CTNNA3: variants seen among roughly 807,000 people sequenced by gnomAD.
CTNNA3 encodes catenin alpha-3.
Under a neutral mutation model 95.7 loss-of-function variants are expected in CTNNA3, and 76 were observed. The observed-to-expected ratio is 0.79, with a 90% CI of 0.66 to 0.96. The LOEUF (loss-of-function observed/expected upper bound fraction) is 0.96, where lower values mean the gene tolerates loss of function less well. Among genes scored for constraint, CTNNA3 ranks in the 40% least tolerant of loss-of-function variants. The pLI is 0.00. For synonymous variants in CTNNA3, 431 were observed against 374.4 expected (o/e 1.15, Z -1.74); for missense variants, 1,191 against 1,089.8 (o/e 1.09, Z -1.31).
chr10:66,443,154 C>A (rs955834389), intron 11 of CTNNA3, among the ~76,000 whole-genome samples: 1 of 152,096 alleles, frequency 6.6e-6, no homozygotes, highest in Non-Finnish European at 1.5e-5. Context: ...AACAAAGCAG[C>A]GGGGAAGCTC....
rs559719485 is a variant in CTNNA3, at chr10:67,310,636, A to G, written c.580-90766T>C. The stretch of plus-strand genomic sequence containing the variant: ...GCTGGGAAGGCCTCAGGAAACTTAC[A>G]ATCATGGCAGAAGGCAAAGCAAACA... On this transcript the variant is annotated intron_variant, in intron 5 of 17. Coordinates refer to ENST00000433211, the MANE Select transcript of CTNNA3 (RefSeq NM_013266.4). Among the ~76,000 whole-genome samples, 168 of 152,338 alleles carry G rather than the reference A, an allele frequency of 1.1e-3. 1 individual carries two copies. The highest frequency in any genetic ancestry group is 3.9e-3 in the African/African-American group (163 of 41,584).
chr10:66,926,986 C>T (rs1461090208), intron 7 of CTNNA3: 1 of 1,614,140 alleles, frequency 6.2e-7, no homozygotes. Flanking sequence ...CACTGTCTTA[C>T]TGACAATGCT....
At chr10:66,924,021 G>C (rs907049442) in intron 7 of CTNNA3, among the ~76,000 whole-genome samples, 2 of 152,134 alleles carry the variant, frequency 1.3e-5, no homozygotes, top group African/African-American at 4.8e-5. Context: ...CTTCCTACTA[G>C]GAGAAAATAT....
At chr10:66,716,618 C>A (rs1417173635) in intron 9 of CTNNA3, among the ~76,000 whole-genome samples, 3 of 152,108 alleles carry the variant, frequency 2.0e-5, no homozygotes, top group Non-Finnish European at 4.4e-5. Context: ...GCAACAGAGG[C>A]ATTTATGTTT....
At position 66,080,691 on chromosome 10, in the gene CTNNA3, G is replaced by A. The variant is rs563503784; in HGVS notation, c.1978-11202C>T. Among the ~76,000 whole-genome samples, 428 of 152,240 alleles carry A rather than the reference G, an allele frequency of 2.8e-3. 3 individuals carry two copies. The highest frequency in any genetic ancestry group is 4.9e-3 in the Non-Finnish European group (336 of 68,014). On this transcript the variant is annotated intron_variant, in intron 14 of 17. Coordinates refer to ENST00000433211, the MANE Select transcript of CTNNA3 (RefSeq NM_013266.4). ...TTTATTCAATACTGCTGCAATGGAG[G>A]CAGAGATGGAACTCAACTCTGCTGA...
intron 1 of CTNNA3, among the ~76,000 whole-genome samples, chr10:67,709,313 G>A (rs1215689326): frequency 1.3e-5 from 2 of 152,144 alleles, no homozygotes; most frequent in Admixed American, 6.5e-5. Context: ...AATACTACGT[G>A]TTTATGAGTA....
chr10:66,441,649 C>G (rs947988767), intron 11 of CTNNA3, among the ~76,000 whole-genome samples: 1 of 152,082 alleles, frequency 6.6e-6, no homozygotes, highest in African/African-American at 2.4e-5. Flanking sequence ...ATTTATTTTT[C>G]TTCGTTTACT....
At chr10:67,588,982 T>C (rs1352698235) in intron 3 of CTNNA3, among the ~76,000 whole-genome samples, 1 of 152,100 alleles carries the variant, frequency 6.6e-6, no homozygotes, top group African/African-American at 2.4e-5. Context: ...AAGCCTTATC[T>C]ATCTAGTTGA....
intron 3 of CTNNA3, among the ~76,000 whole-genome samples, chr10:67,570,188 C>T (rs1357676002): frequency 1.1e-4 from 16 of 151,998 alleles, no homozygotes; most frequent in South Asian, 8.3e-4. Context: ...TGAAACTTTC[C>T]GCCTTTCTTT....
chr10:67,476,435 C>G (rs2133040912), intron 5 of CTNNA3, among the ~76,000 whole-genome samples: 1 of 152,228 alleles, frequency 6.6e-6, no homozygotes, highest in East Asian at 1.9e-4. Context: ...CCTCTCCACC[C>G]CACTCCCAGA....
chr10:66,515,459 G>A lies in CTNNA3; in HGVS notation c.1531+5158C>T, dbSNP rs184625503. ...CCTAAGTAATTCACAACACAGATAC[G>A]CTAAGAACTAACTTGTCAATTGATC... On this transcript the variant is annotated intron_variant, in intron 11 of 17. Coordinates refer to ENST00000433211, the MANE Select transcript of CTNNA3 (RefSeq NM_013266.4). Among the ~76,000 whole-genome samples, 58 of 151,874 alleles carry A rather than the reference G, an allele frequency of 3.8e-4. 1 individual carries two copies. The highest frequency in any genetic ancestry group is 1.7e-3 in the Admixed American group (26 of 15,252).
At chr10:67,442,643 CATG>C (rs1266623230) in intron 5 of CTNNA3, among the ~76,000 whole-genome samples, 2 of 151,958 alleles carry the variant, frequency 1.3e-5, no homozygotes, top group Non-Finnish European at 2.9e-5. Flanking sequence ...ATCAATTCAG[CATG>C]ATAAAGGGTC....
chr10:67,592,009 G>C (rs1293876089), intron 3 of CTNNA3, among the ~76,000 whole-genome samples: 1 of 152,116 alleles, frequency 6.6e-6, no homozygotes, highest in African/African-American at 2.4e-5. Context: ...TTCAGCATTA[G>C]AGTCCACGAC....
chr10:66,346,759 C>T (rs1264441765), intron 12 of CTNNA3, among the ~76,000 whole-genome samples: 6 of 152,032 alleles, frequency 3.9e-5, no homozygotes, highest in South Asian at 4.2e-4. Flanking sequence ...TTACATGAAA[C>T]GTTATTTTTA....
intron 15 of CTNNA3, among the ~76,000 whole-genome samples, chr10:66,006,839 T>G (rs1470595436): frequency 6.6e-6 from 1 of 152,230 alleles, no homozygotes; most frequent in Non-Finnish European, 1.5e-5. Context: ...GGCATAATAT[T>G]ATTCTAAGGT....
chr10:66,408,045 A>G (rs1181471134), intron 11 of CTNNA3, among the ~76,000 whole-genome samples: 1 of 152,182 alleles, frequency 6.6e-6, no homozygotes, highest in African/African-American at 2.4e-5. Context: ...AGTATTTGCA[A>G]ATAACCTACG....
chr10:67,368,433 C>T (rs1398437939), intron 5 of CTNNA3, among the ~76,000 whole-genome samples: 1 of 152,128 alleles, frequency 6.6e-6, no homozygotes, highest in Non-Finnish European at 1.5e-5. Context: ...GGCACAACTC[C>T]TTTGGAAAAC....
At chr10:65,948,468 G>C (rs1227833818) in intron 17 of CTNNA3, among the ~76,000 whole-genome samples, 1 of 151,800 alleles carries the variant, frequency 6.6e-6, no homozygotes, top group East Asian at 1.9e-4. Flanking sequence ...GTGACCCAGG[G>C]CTTGACCAAA....
chr10:67,668,078 G>A (rs1341926350), intron 1 of CTNNA3, among the ~76,000 whole-genome samples: 1 of 152,134 alleles, frequency 6.6e-6, no homozygotes, highest in Non-Finnish European at 1.5e-5. Context: ...TTTGGTACCT[G>A]ACACAGGCTC....
Sources: gnomAD v4.1 joint callset for allele counts (sites outside exome capture counted in the v4.1 genomes callset) on GRCh38, gnomAD v4.1.1 for gene constraint, MANE v1.5 for transcripts, NCBI Gene and HGNC (gene_info 2026-07-23, HGNC 2026-07-21) for gene names.